The following TRIM33 variants were observed in gnomAD, a reference collection of about 807,000 sequenced individuals.
The protein encoded by TRIM33 is tripartite motif containing 33, also known as E3 ubiquitin-protein ligase TRIM33.
A neutral mutation model predicts 125.4 loss-of-function variants in TRIM33; 20 were observed. That is an observed-to-expected ratio of 0.16 (90% confidence interval 0.11 to 0.23). The LOEUF is 0.23. Among genes scored for constraint, TRIM33 ranks in the 10% least tolerant of loss-of-function variants. TRIM33 has a pLI of 1.00. For missense variants in TRIM33, 920 were observed against 1,411.4 expected, an observed-to-expected ratio of 0.65 and a Z score of 5.58; for synonymous variants, 564 against 513.9, an observed-to-expected ratio of 1.10 and a Z score of -1.32.
chr1:114,435,132 A>C (rs138525803), intron 4 of TRIM33, among the ~76,000 whole-genome samples: 1 of 152,364 alleles, frequency 6.6e-6, no homozygotes, highest in African/African-American at 2.4e-5. Flanking sequence ...AGAATGTAAT[A>C]ATCACATTTA....
At chr1:114,461,056 G>A (rs1649951071) in intron 4 of TRIM33, among the ~76,000 whole-genome samples, 1 of 151,558 alleles carries the variant, frequency 6.6e-6, no homozygotes, top group Non-Finnish European at 1.5e-5. Flanking sequence ...CAGAATACCA[G>A]AGGCCGGGGC....
chr1:114,408,003 A>G (rs1390261789), intron 13 of TRIM33, among the ~76,000 whole-genome samples: 1 of 152,198 alleles, frequency 6.6e-6, no homozygotes, highest in African/African-American at 2.4e-5. Context: ...TGCCATCACA[A>G]AAACCCCCAA....
intron 1 of TRIM33, among the ~76,000 whole-genome samples, chr1:114,485,599 C>T (rs1003560090): frequency 2.0e-5 from 3 of 152,088 alleles, no homozygotes; most frequent in African/African-American, 7.2e-5. Context: ...TGAGTTGGTA[C>T]CCCACTTCAT....
chr1:114,397,561 A>G lies in TRIM33; in HGVS notation c.*87T>C. On this transcript the variant is annotated 3_prime_UTR_variant, in exon 20 of 20. Transcript: ENST00000358465. ...CCACTGTAGGCAGGATATTCCAGCA[A>G]CACTTAAAAGTTTTCTGGGTTTTTT... 9.8e-7 allele frequency: 1 copy of G among 1,020,658 alleles called. No individual in the cohort carries two copies. The highest frequency in any genetic ancestry group is 1.4e-6 in the Non-Finnish European group (1 of 690,592). The allele number at this position is 1,020,658 out of a possible 1,614,324, so 63.2% of individuals were successfully genotyped here.
At chr1:114,462,424 T>C (rs1310668597) in intron 4 of TRIM33, among the ~76,000 whole-genome samples, 1 of 152,196 alleles carries the variant, frequency 6.6e-6, no homozygotes, top group Non-Finnish European at 1.5e-5. Context: ...CATCCAGCCA[T>C]AAAAACTGTT....
intron 11 of TRIM33, among the ~76,000 whole-genome samples, chr1:114,413,539 C>G (rs1335153676): frequency 2.5e-5 from 1 of 40,690 alleles, no homozygotes; most frequent in Non-Finnish European, 5.0e-5. Flanking sequence ...GCCTGGGCAA[C>G]AAGAATGAAA....
At chr1:114,458,642 A>G (rs992263876) in intron 4 of TRIM33, among the ~76,000 whole-genome samples, 1 of 152,178 alleles carries the variant, frequency 6.6e-6, no homozygotes, top group Non-Finnish European at 1.5e-5. Flanking sequence ...AATTTGAGAA[A>G]TATTTCTCAA....
chr1:114,436,657 G>T (rs1421740239), intron 4 of TRIM33, among the ~76,000 whole-genome samples: 1 of 152,066 alleles, frequency 6.6e-6, no homozygotes, highest in South Asian at 2.1e-4. Flanking sequence ...TAGAGATGGG[G>T]TTTTGCCATG....
At chr1:114,407,328 G>A (rs1473144209) in intron 13 of TRIM33, among the ~76,000 whole-genome samples, 1 of 151,904 alleles carries the variant, frequency 6.6e-6, no homozygotes, top group African/African-American at 2.4e-5. Flanking sequence ...ACATTTTATG[G>A]TTTGAAGCAC....
intron 4 of TRIM33, 138 bp from the exon 5 acceptor site, chr1:114,433,871 A>T: frequency 1.9e-6 from 1 of 513,008 alleles, no homozygotes. Context: ...ACCTTATCTC[A>T]ACAGCAACTT....
Position 114,394,568 on chromosome 1 carries a change from C to T in TRIM33, c.*3080G>A, listed in dbSNP as rs1247105952. On this transcript the variant is annotated 3_prime_UTR_variant, in exon 20 of 20. Transcript: ENST00000358465. ...AAACTTATCACAAAAAATGAGACAA[C>T]TGACTTAGCATTACCTAAAATTCCC... is the stretch of plus-strand genomic sequence containing the variant. The T allele has an allele frequency of 1.4e-5, 3 of 209,264 alleles. No homozygotes were observed. Among genetic ancestry groups the T allele is most frequent in the African/African-American group, 2.3e-5 (1 of 43,990 alleles). The allele number at this position is 209,264 out of a possible 1,614,324, so 13.0% of individuals were successfully genotyped here. A position where few individuals can be genotyped will look rare whatever the true frequency, so the allele number is the denominator to read the frequency against.
At chr1:114,414,034 C>G (rs1445496268) in intron 11 of TRIM33, among the ~76,000 whole-genome samples, 3 of 127,072 alleles carry the variant, frequency 2.4e-5, no homozygotes, top group African/African-American at 8.6e-5. Flanking sequence ...CAGGCACACA[C>G]ACACACACAC....
intron 1 of TRIM33, among the ~76,000 whole-genome samples, chr1:114,487,734 A>G (rs1651794223): frequency 6.6e-6 from 1 of 150,522 alleles, no homozygotes; most frequent in Admixed American, 6.6e-5. Flanking sequence ...CGTCTCTACT[A>G]AAAATACAAA....
intron 4 of TRIM33, among the ~76,000 whole-genome samples, chr1:114,448,260 T>C (rs1429916499): frequency 6.6e-6 from 1 of 152,124 alleles, no homozygotes; most frequent in South Asian, 2.1e-4. Context: ...AATGTAGAAA[T>C]ATGGGTACAG....
At chr1:114,505,445 G>T (rs993722424) in intron 1 of TRIM33, among the ~76,000 whole-genome samples, 1 of 152,066 alleles carries the variant, frequency 6.6e-6, no homozygotes, top group Non-Finnish European at 1.5e-5. Flanking sequence ...GGCTCAGCAT[G>T]GTCTGTGATA....
In TRIM33 at chr1:114,409,333, G is replaced by A. The variant is rs561755509; in HGVS notation, c.2195-593C>T. ...ACTGAGTAATAGGGTTAATAAAACC[G>A]CTGGGATTTTGGAAGAGAGCTACAT... is the stretch of plus-strand genomic sequence containing the variant. On this transcript the variant is annotated intron_variant, in intron 12 of 19. Coordinates refer to ENST00000358465, the MANE Select transcript of TRIM33 (RefSeq NM_015906.4). Among the ~76,000 whole-genome samples, 11 of 152,208 alleles carry A rather than the reference G, an allele frequency of 7.2e-5. No homozygotes were observed. In the South Asian group the frequency reaches 2.3e-3, roughly 32 times the overall value.
At chr1:114,474,247 A>C (rs1465935005) in intron 1 of TRIM33, among the ~76,000 whole-genome samples, 5 of 151,998 alleles carry the variant, frequency 3.3e-5, no homozygotes, top group Admixed American at 3.3e-4. Flanking sequence ...GAAAGAAAAA[A>C]GTAAGTCAAA....
chr1:114,429,158 G>A (rs1397010021), intron 6 of TRIM33, among the ~76,000 whole-genome samples: 1 of 151,040 alleles, frequency 6.6e-6, no homozygotes, highest in Non-Finnish European at 1.5e-5. Flanking sequence ...TAGGAAAAGG[G>A]ACCCACAACT....
intron 1 of TRIM33, chr1:114,468,494 C>T (rs1370206357): frequency 7.9e-6 from 3 of 380,354 alleles, no homozygotes; most frequent in East Asian, 1.5e-4. Flanking sequence ...ATGAAGAGAA[C>T]AGTAGGGAAA....
Sources: allele counts gnomAD v4.1 joint callset (sites outside exome capture counted in the v4.1 genomes callset), GRCh38; gene constraint gnomAD v4.1.1; transcripts MANE v1.5; gene names NCBI Gene and HGNC (gene_info 2026-07-23, HGNC 2026-07-21).